TMEM132D: variants seen among roughly 807,000 people sequenced by gnomAD.
The protein encoded by TMEM132D is mature OL transmembrane protein.
Under a neutral mutation model 62.3 loss-of-function variants are expected in TMEM132D, and 21 were observed. The ratio of observed to expected loss-of-function variants is 0.34; its 90% confidence interval spans 0.24 to 0.49. The LOEUF (loss-of-function observed/expected upper bound fraction) is 0.49, where lower values mean the gene tolerates loss of function less well. Ranked by LOEUF, TMEM132D falls within the 20% of genes least tolerant of loss-of-function variation. The probability of loss-of-function intolerance (pLI) is 0.99; values close to 1 mark genes in which losing one functional copy is unlikely to be tolerated. For synonymous variants in TMEM132D, 621 were observed against 575.6 expected (o/e 1.08, Z -1.13); for missense variants, 1,346 against 1,402.8 (o/e 0.96, Z 0.65).
chr12:129,318,127 G>A (rs932765921), intron 4 of TMEM132D, among the ~76,000 whole-genome samples: 7 of 152,036 alleles, frequency 4.6e-5, no homozygotes, highest in Admixed American at 3.3e-4. Context: ...CTAACCTCCT[G>A]AACTCTTTTT....
intron 2 of TMEM132D, among the ~76,000 whole-genome samples, chr12:129,559,237 T>C (rs959203403): frequency 6.6e-6 from 1 of 152,222 alleles, no homozygotes; most frequent in Non-Finnish European, 1.5e-5. Context: ...GTTCTTTAAC[T>C]CTAGGTATTT....
rs968190170 is a variant in TMEM132D, at chr12:129,799,222, G to A, written c.80-98524C>T. On this transcript the variant is annotated intron_variant, in intron 1 of 8. Coordinates refer to ENST00000422113, the MANE Select transcript of TMEM132D (RefSeq NM_133448.3). ...GGAGGTTGCAGTGAGCTGAGATCGC[G>A]CCACTGCACTCCAGCCTGGGCACAC... Among the ~76,000 whole-genome samples, 11 of 152,110 alleles carry A rather than the reference G, an allele frequency of 7.2e-5. 1 individual carries two copies. Among genetic ancestry groups the A allele is most frequent in the South Asian group, 4.1e-4 (2 of 4,820 alleles).
At chr12:129,213,763 G>A (rs1395554838) in intron 4 of TMEM132D, among the ~76,000 whole-genome samples, 2 of 152,116 alleles carry the variant, frequency 1.3e-5, no homozygotes, top group African/African-American at 2.4e-5. Context: ...CAACCAGAGA[G>A]GGACTTTACC....
At chr12:129,114,327 C>T (rs1163863066) in intron 5 of TMEM132D, among the ~76,000 whole-genome samples, 1 of 151,988 alleles carries the variant, frequency 6.6e-6, no homozygotes, top group African/African-American at 2.4e-5. Flanking sequence ...GCACAGGACA[C>T]CCCCACCACA....
At chr12:129,456,523 G>C (rs1873472565) in intron 3 of TMEM132D, among the ~76,000 whole-genome samples, 2 of 152,132 alleles carry the variant, frequency 1.3e-5, no homozygotes, top group Admixed American at 6.6e-5. Context: ...AGGGGCAAAT[G>C]GAGCTGTCCC....
chr12:129,423,689 T>C (rs1024642022), intron 3 of TMEM132D, among the ~76,000 whole-genome samples: 4 of 152,164 alleles, frequency 2.6e-5, no homozygotes, highest in Non-Finnish European at 5.9e-5. Flanking sequence ...GCTAGTATGC[T>C]AATACGGACA....
chr12:129,584,233 G>T (rs1160008417), intron 2 of TMEM132D, among the ~76,000 whole-genome samples: 1 of 152,180 alleles, frequency 6.6e-6, no homozygotes, highest in African/African-American at 2.4e-5. Context: ...CTTCCACCCA[G>T]TATCTCCCCA....
chr12:129,572,431 G>GTTTCTTTCTTTC (rs60151206), intron 2 of TMEM132D, among the ~76,000 whole-genome samples: 52 of 150,862 alleles, frequency 3.4e-4, no homozygotes, highest in East Asian at 8.0e-4. Flanking sequence ...CAGAGGGTCT[G>GTTTCTTTCTTTC]TTTCTTTCTT....
At chr12:129,814,474 G>A (rs1190088949) in intron 1 of TMEM132D, among the ~76,000 whole-genome samples, 2 of 151,842 alleles carry the variant, frequency 1.3e-5, no homozygotes, top group Non-Finnish European at 2.9e-5. Flanking sequence ...ACCTGGGCTT[G>A]GTGGTGAGCA....
intron 1 of TMEM132D, among the ~76,000 whole-genome samples, chr12:129,777,882 C>G (rs1870991756): frequency 6.6e-6 from 1 of 151,994 alleles, no homozygotes; most frequent in Non-Finnish European, 1.5e-5. Context: ...CCCTGTAATC[C>G]CAGCACTTCG....
intron 1 of TMEM132D, among the ~76,000 whole-genome samples, chr12:129,719,096 A>AAAAAAAAAAAAAAAAG (rs1555227254): frequency 1.1e-4 from 16 of 144,432 alleles, no homozygotes; most frequent in Non-Finnish European, 1.8e-4. Flanking sequence ...AAAAAAAAAA[A>AAAAAAAAAAAAAAAAG]AAAGAAAAAA....
chr12:129,734,559 T>G (rs183248871), intron 1 of TMEM132D, among the ~76,000 whole-genome samples: 1 of 152,336 alleles, frequency 6.6e-6, no homozygotes, highest in East Asian at 1.9e-4. Flanking sequence ...ACGCAATACT[T>G]TATCAAATCC....
intron 1 of TMEM132D, among the ~76,000 whole-genome samples, chr12:129,823,055 T>C (rs1415094462): frequency 6.6e-6 from 1 of 152,146 alleles, no homozygotes; most frequent in Non-Finnish European, 1.5e-5. Flanking sequence ...GAGTGAGTCA[T>C]CGTGAGATCT....
chr12:129,288,058 A>G lies in TMEM132D; in HGVS notation c.1299+49576T>C, dbSNP rs183204525. Among the ~76,000 whole-genome samples, 6 of 152,328 alleles carry G rather than the reference A, an allele frequency of 3.9e-5. No individual in the cohort carries two copies. In the East Asian group the frequency reaches 1.2e-3, roughly 29 times the overall value. On this transcript the variant is annotated intron_variant, in intron 4 of 8. Coordinates refer to ENST00000422113, the MANE Select transcript of TMEM132D (RefSeq NM_133448.3). ...CTCTGTGGTTCCATGTAAGTTTTTA[A>G]AACCTGGATATCCACATGTAAAAGA...
intron 5 of TMEM132D, among the ~76,000 whole-genome samples, chr12:129,120,756 T>C (rs1193788004): frequency 1.3e-5 from 2 of 152,164 alleles, no homozygotes; most frequent in Non-Finnish European, 2.9e-5. Context: ...ATTAGGAAGA[T>C]TGAGGTGAAA....
intron 3 of TMEM132D, among the ~76,000 whole-genome samples, chr12:129,378,487 AG>A (rs2135685316): frequency 6.6e-6 from 1 of 152,362 alleles, no homozygotes; most frequent in East Asian, 1.9e-4. Context: ...AGCTAATCAA[AG>A]GTTTTAGGGG....
intron 2 of TMEM132D, among the ~76,000 whole-genome samples, chr12:129,550,055 A>G (rs1018398486): frequency 6.6e-6 from 1 of 152,182 alleles, no homozygotes; most frequent in African/African-American, 2.4e-5. Flanking sequence ...AAGCTGGAAT[A>G]AGAATATGTG....
intron 4 of TMEM132D, among the ~76,000 whole-genome samples, chr12:129,329,585 G>T (rs1042523988): frequency 6.6e-6 from 1 of 152,170 alleles, no homozygotes; most frequent in Non-Finnish European, 1.5e-5. Flanking sequence ...GATCTTAGTG[G>T]GTGACTGTCA....
intron 5 of TMEM132D, among the ~76,000 whole-genome samples, chr12:129,206,613 A>G (rs928522796): frequency 6.6e-5 from 10 of 152,242 alleles, no homozygotes; most frequent in African/African-American, 2.4e-4. Flanking sequence ...TACATACCCA[A>G]AGGAATATAA....
Sources: allele counts gnomAD v4.1 joint callset (sites outside exome capture counted in the v4.1 genomes callset), GRCh38; gene constraint gnomAD v4.1.1; transcripts MANE v1.5; gene names NCBI Gene and HGNC (gene_info 2026-07-23, HGNC 2026-07-21).